Variants in MGAT4C observed in about 807,000 individuals in gnomAD.
The protein encoded by MGAT4C is MGAT4 family member C.
A neutral mutation model predicts 40.1 loss-of-function variants in MGAT4C; 19 were observed. The observed-to-expected ratio is 0.47, with a 90% CI of 0.33 to 0.70. The LOEUF (loss-of-function observed/expected upper bound fraction) is 0.70. MGAT4C is among the 30% of genes least tolerant of loss of function. The pLI is 0.02. For missense variants in MGAT4C, 491 were observed against 563.2 expected (o/e 0.87, Z 1.30); for synonymous variants, 181 against 187.1 (o/e 0.97, Z 0.27).
intron 1 of MGAT4C, among the ~76,000 whole-genome samples, chr12:86,787,755 C>G (rs1951957181): frequency 1.3e-5 from 2 of 152,046 alleles, no homozygotes; most frequent in African/African-American, 4.8e-5. Context: ...GTACTTTGTA[C>G]ATTGTTTTTC....
chr12:86,270,887 G>A (rs1004044130), intron 4 of MGAT4C, among the ~76,000 whole-genome samples: 20 of 152,110 alleles, frequency 1.3e-4, no homozygotes, highest in African/African-American at 3.4e-4. Flanking sequence ...ACTAATCTTC[G>A]ACAAAGATGA....
chr12:86,164,693 T>G (rs1885992198), intron 1 of MGAT4C, among the ~76,000 whole-genome samples: 2 of 152,122 alleles, frequency 1.3e-5, no homozygotes, highest in African/African-American at 4.8e-5. Flanking sequence ...AGAAGGAGCA[T>G]GTGCATTTGT....
At chr12:86,011,143 A>C (rs1051862022) in intron 2 of MGAT4C, among the ~76,000 whole-genome samples, 3 of 152,220 alleles carry the variant, frequency 2.0e-5, no homozygotes, top group Non-Finnish European at 4.4e-5. Context: ...CAACTTTCTA[A>C]ATCAGAAACA....
At chr12:86,619,741 C>G (rs377239852) in intron 2 of MGAT4C, among the ~76,000 whole-genome samples, 2 of 151,958 alleles carry the variant, frequency 1.3e-5, no homozygotes, top group East Asian at 3.9e-4. Context: ...TTAAAAAATA[C>G]TACTAGCTAG....
At chr12:86,396,320 A>G (rs944124897) in intron 3 of MGAT4C, among the ~76,000 whole-genome samples, 3 of 152,208 alleles carry the variant, frequency 2.0e-5, no homozygotes, top group African/African-American at 7.2e-5. Context: ...TCATTGCCCA[A>G]TGTGAGAACC....
At chr12:86,013,671 C>T (rs1357053809) in intron 2 of MGAT4C, 4 of 912,994 alleles carry the variant, frequency 4.4e-6, no homozygotes, top group African/African-American at 1.8e-5. Flanking sequence ...CCATTTAATA[C>T]TGGTCCTACC....
chr12:86,331,002 A>G (rs1377310284), intron 4 of MGAT4C, among the ~76,000 whole-genome samples: 2 of 152,174 alleles, frequency 1.3e-5, no homozygotes, highest in East Asian at 1.9e-4. Context: ...GTCTGCAGCA[A>G]CCTCAACTCT....
intron 2 of MGAT4C, among the ~76,000 whole-genome samples, chr12:86,019,348 A>C (rs1889415881): frequency 6.6e-6 from 1 of 152,172 alleles, no homozygotes; most frequent in South Asian, 2.1e-4. Flanking sequence ...CCCCAGTATA[A>C]TAGATAGCAA....
At chr12:86,185,474 C>A (rs748146127) in intron 1 of MGAT4C, among the ~76,000 whole-genome samples, 1 of 152,104 alleles carries the variant, frequency 6.6e-6, no homozygotes, top group Non-Finnish European at 1.5e-5. Context: ...GTCTTGGGAG[C>A]ACAGTCTTTC....
In MGAT4C at chr12:86,407,860, T is replaced by A. The variant is rs1191970309; in HGVS notation, c.-120+27297A>T. On this transcript the variant is annotated intron_variant, in intron 3 of 7. Coordinates refer to the MGAT4C transcript ENST00000548651. ...AACACAGGAATTTATAGCTGCTTTT[T>A]CTTTTTAGAAGCACAGTCTAGTCAA... Among the ~76,000 whole-genome samples, 4 of 152,250 alleles carry A rather than the reference T, an allele frequency of 2.6e-5. No homozygotes were observed. The East Asian group carries it at 7.7e-4, about 29-fold the overall frequency.
At chr12:86,536,209 A>G (rs891478502) in intron 2 of MGAT4C, among the ~76,000 whole-genome samples, 1 of 152,120 alleles carries the variant, frequency 6.6e-6, no homozygotes, top group African/African-American at 2.4e-5. Context: ...AGACTTTGTT[A>G]GACAAAGGAA....
At chr12:86,668,591 T>G (rs140199034) in intron 2 of MGAT4C, among the ~76,000 whole-genome samples, 47 of 152,348 alleles carry the variant, frequency 3.1e-4, no homozygotes, top group African/African-American at 9.6e-4. Context: ...AGCCATTATT[T>G]TGTGTGACTC....
chr12:85,990,356 T>C (rs1410017008), intron 2 of MGAT4C, among the ~76,000 whole-genome samples: 1 of 152,186 alleles, frequency 6.6e-6, no homozygotes, highest in Non-Finnish European at 1.5e-5. Flanking sequence ...TATAAAAAAG[T>C]ATAAACATAT....
At chr12:86,394,616 T>TTATATATATATA (rs71076194) in intron 3 of MGAT4C, among the ~76,000 whole-genome samples, 103 of 135,442 alleles carry the variant, frequency 7.6e-4, no homozygotes, top group Non-Finnish European at 1.4e-3. Context: ...TATATATACT[T>TTATATATATATA]TATATATATA....
chr12:86,006,805 T>A (rs1056882567), intron 2 of MGAT4C, among the ~76,000 whole-genome samples: 2 of 152,148 alleles, frequency 1.3e-5, no homozygotes, highest in Non-Finnish European at 2.9e-5. Flanking sequence ...TACTCTACCC[T>A]CTTAGTGATT....
At chr12:86,467,278 G>A (rs559596989) in intron 2 of MGAT4C, among the ~76,000 whole-genome samples, 1 of 152,154 alleles carries the variant, frequency 6.6e-6, no homozygotes, top group East Asian at 1.9e-4. Flanking sequence ...AGTCAGAAAA[G>A]CATTCTGGAC....
At position 86,218,917 on chromosome 12, in the gene MGAT4C, A is replaced by G. The variant is rs193014210; in HGVS notation, c.-57+37322T>C. 3.3e-4 allele frequency among the ~76,000 whole-genome samples: 50 copies of G among 152,280 alleles called. No homozygotes were observed. The East Asian group carries it at 5.6e-3, about 17-fold the overall frequency. Reference sequence around the variant, plus strand: ...AAATTCAGGCCAGGCGTGGTGGCTTATGCTTGTAATCTCAGCATTTTGGGA... The same window carrying G: ...AAATTCAGGCCAGGCGTGGTGGCTTGTGCTTGTAATCTCAGCATTTTGGGA... On this transcript the variant is annotated intron_variant, in intron 1 of 4. Transcript: ENST00000611864.
intron 1 of MGAT4C, among the ~76,000 whole-genome samples, chr12:86,172,244 A>G (rs1039656647): frequency 6.6e-6 from 1 of 152,176 alleles, no homozygotes; most frequent in African/African-American, 2.4e-5. Flanking sequence ...AAAAAAATTA[A>G]CATAGGTTCA....
At chr12:86,817,358 A>G (rs759141105) in intron 1 of MGAT4C, among the ~76,000 whole-genome samples, 1 of 151,300 alleles carries the variant, frequency 6.6e-6, no homozygotes, top group Non-Finnish European at 1.5e-5. Flanking sequence ...TTACATTGTA[A>G]TTTATTTCTT....
Sources: allele counts gnomAD v4.1 joint callset (sites outside exome capture counted in the v4.1 genomes callset), GRCh38; gene constraint gnomAD v4.1.1; transcripts MANE v1.5; gene names NCBI Gene and HGNC (gene_info 2026-07-23, HGNC 2026-07-21).